SCN8A: variants seen among roughly 807,000 people sequenced by gnomAD.
SCN8A encodes the protein sodium channel protein type 8 subunit alpha.
In SCN8A, 30 loss-of-function variants were observed where a neutral mutation model predicts 184.1. That is an observed-to-expected ratio of 0.16 (90% CI 0.12 to 0.22). The LOEUF is 0.22. SCN8A is among the 10% of genes least tolerant of loss of function. The probability of loss-of-function intolerance (pLI) is 1.00; values close to 1 mark genes in which losing one functional copy is unlikely to be tolerated. For synonymous variants in SCN8A, 852 were observed against 907.0 expected (o/e 0.94, Z 1.09); for missense variants, 1,057 against 2,498.9 (o/e 0.42, Z 12.30).
At chr12:51,636,944 T>C (rs1940331241) in intron 1 of SCN8A, among the ~76,000 whole-genome samples, 1 of 152,256 alleles carries the variant, frequency 6.6e-6, no homozygotes, top group Admixed American at 6.5e-5. Flanking sequence ...AAATTGTAAG[T>C]TTGTGCCAAA....
intron 12 of SCN8A, among the ~76,000 whole-genome samples, chr12:51,727,423 A>C (rs184157568): frequency 1.3e-5 from 2 of 152,170 alleles, no homozygotes; most frequent in Admixed American, 6.5e-5. Flanking sequence ...AAAAACCAAA[A>C]AACACTGAAA....
chr12:51,715,117 G>C (rs1010373426), intron 11 of SCN8A, among the ~76,000 whole-genome samples: 1 of 152,210 alleles, frequency 6.6e-6, no homozygotes, highest in Non-Finnish European at 1.5e-5. Flanking sequence ...GGTACAAGGA[G>C]AAATGGAGCA....
intron 6 of SCN8A, chr12:51,689,788 A>T (rs1176263770): frequency 6.6e-6 from 1 of 152,252 alleles, no homozygotes; most frequent in African/African-American, 2.4e-5. Flanking sequence ...GTAAGATAAG[A>T]TACAACTAAA....
intron 26 of SCN8A, among the ~76,000 whole-genome samples, chr12:51,798,068 C>G (rs2138926041): frequency 6.6e-6 from 1 of 152,246 alleles, no homozygotes; most frequent in East Asian, 1.9e-4. Flanking sequence ...GACACTGATT[C>G]AAAGCATACA....
At chr12:51,708,739 C>T (rs1315745547) in intron 11 of SCN8A, among the ~76,000 whole-genome samples, 1 of 152,160 alleles carries the variant, frequency 6.6e-6, no homozygotes, top group African/African-American at 2.4e-5. Flanking sequence ...CGTTTGTCCA[C>T]TGCAGTTTTG....
chr12:51,721,511 C>T (rs756704389), intron 11 of SCN8A, 35 bp from the exon 12 acceptor site: 11 of 1,553,582 alleles, frequency 7.1e-6, no homozygotes, highest in Non-Finnish European at 9.6e-6. Flanking sequence ...GTCTCATTTC[C>T]CCGTCCCTCT....
chr12:51,777,272 A>T (rs1014124935), intron 20 of SCN8A, among the ~76,000 whole-genome samples: 6 of 151,596 alleles, frequency 4.0e-5, no homozygotes, highest in East Asian at 1.9e-4. Context: ...CATTTTTAAA[A>T]TTTTTTTAGG....
intron 16 of SCN8A, 41 bp downstream of exon 16, chr12:51,766,068 A>G: frequency 6.6e-7 from 1 of 1,513,986 alleles, no homozygotes; most frequent in Non-Finnish European, 9.2e-7. Flanking sequence ...TACACCCTGA[A>G]TATTCTACCC....
chr12:51,619,157 T>G (rs563930493), intron 1 of SCN8A, among the ~76,000 whole-genome samples: 1 of 152,312 alleles, frequency 6.6e-6, no homozygotes, highest in African/African-American at 2.4e-5. Flanking sequence ...ATTATATACC[T>G]TACTTTTTCT....
At chr12:51,687,436 G>C (rs1941436943) in intron 5 of SCN8A, among the ~76,000 whole-genome samples, 1 of 152,146 alleles carries the variant, frequency 6.6e-6, no homozygotes, top group Non-Finnish European at 1.5e-5. Flanking sequence ...GAGAAGGCAA[G>C]CAGAGGCTTT....
intron 2 of SCN8A, among the ~76,000 whole-genome samples, chr12:51,677,675 G>A (rs1941247340): frequency 6.6e-6 from 1 of 152,138 alleles, no homozygotes; most frequent in Admixed American, 6.5e-5. Flanking sequence ...GCCCCACATT[G>A]CTAATTAGAA....
chr12:51,689,832 G>A (rs1377843104), intron 6 of SCN8A: 1 of 152,090 alleles, frequency 6.6e-6, no homozygotes, highest in Non-Finnish European at 1.5e-5. Context: ...AAGTTTGAGG[G>A]GGAAAAACAG....
chr12:51,697,038 CA>C (rs567183376), intron 6 of SCN8A, among the ~76,000 whole-genome samples: 6 of 124,308 alleles, frequency 4.8e-5, no homozygotes, highest in Admixed American at 8.4e-5. Context: ...GAATCCGACT[CA>C]AAAAAAAAAA....
intron 12 of SCN8A, among the ~76,000 whole-genome samples, chr12:51,737,210 A>C (rs1410141181): frequency 6.6e-6 from 1 of 151,462 alleles, no homozygotes; most frequent in East Asian, 2.0e-4. Context: ...AATCCCTATC[A>C]TTGTAGCAAT....
At chr12:51,709,832 G>C (rs761632022) in intron 11 of SCN8A, among the ~76,000 whole-genome samples, 1 of 152,162 alleles carries the variant, frequency 6.6e-6, no homozygotes, top group Non-Finnish European at 1.5e-5. Flanking sequence ...TAACAGAAAA[G>C]GGACCCTTGT....
intron 15 of SCN8A, among the ~76,000 whole-genome samples, chr12:51,764,996 G>A (rs1162005678): frequency 6.6e-6 from 1 of 151,708 alleles, no homozygotes; most frequent in Non-Finnish European, 1.5e-5. Flanking sequence ...GGCTGGTCTC[G>A]AACTCCTGGC....
In SCN8A at chr12:51,769,602, A is replaced by T. The variant is rs77890854; in HGVS notation, c.3373-266A>T. ...GCCCTCGAGTACTTCCCTGCCATTC[A>T]TCTGAGTTATAGCCCTGAAACCAAC... On this transcript the variant is annotated intron_variant, in intron 17 of 26. Coordinates refer to ENST00000627620, the MANE Select transcript of SCN8A (RefSeq NM_001330260.2). 2.8e-3 allele frequency among the ~76,000 whole-genome samples: 432 copies of T among 152,222 alleles called. 3 individuals are homozygous for T. Among genetic ancestry groups the T allele is most frequent in the African/African-American group, 9.7e-3 (402 of 41,524 alleles).
chr12:51,771,463 C>A (rs1401128490), intron 19 of SCN8A, among the ~76,000 whole-genome samples: 5 of 151,926 alleles, frequency 3.3e-5, no homozygotes, highest in African/African-American at 7.2e-5. Context: ...GGGAGAAACC[C>A]CAAATTCAGT....
At chr12:51,702,339 AAAAG>A (rs1237226942) in intron 8 of SCN8A, among the ~76,000 whole-genome samples, 2 of 151,752 alleles carry the variant, frequency 1.3e-5, no homozygotes, top group Middle Eastern at 3.2e-3. Flanking sequence ...AAAAAAAAAA[AAAAG>A]AGGAACTTCT....
Sources: allele counts gnomAD v4.1 joint callset (sites outside exome capture counted in the v4.1 genomes callset), GRCh38; gene constraint gnomAD v4.1.1; transcripts MANE v1.5; gene names NCBI Gene and HGNC (gene_info 2026-07-23, HGNC 2026-07-21).